The following LRRN3 variants were observed in gnomAD, a reference collection of about 807,000 sequenced individuals.
LRRN3 encodes the protein leucine rich repeat neuronal 3.
LRRN3 carries 15 observed loss-of-function variants against 40.1 expected under a neutral mutation model. That is an observed-to-expected ratio of 0.37 (90% CI 0.25 to 0.58). LRRN3 has a LOEUF of 0.58. Among genes scored for constraint, LRRN3 ranks in the 20% least tolerant of loss-of-function variants. The pLI is 0.72. For synonymous variants in LRRN3, 308 were observed against 297.2 expected (o/e 1.04, Z -0.37); for missense variants, 746 against 837.7 (o/e 0.89, Z 1.35).
intron 2 of LRRN3, among the ~76,000 whole-genome samples, chr7:111,121,496 C>A (rs933952931): frequency 5.9e-5 from 9 of 152,124 alleles, no homozygotes; most frequent in Non-Finnish European, 1.5e-5. Flanking sequence ...TCATCACTGG[C>A]CATCAGAGAA....
chr7:111,122,884 A>G lies in LRRN3; in HGVS notation c.112A>G (p.Arg38Gly). The G allele has an allele frequency of 1.9e-6, 3 of 1,614,058 alleles. No individual in the cohort carries two copies. The highest frequency in any genetic ancestry group is 2.5e-6 in the Non-Finnish European group (3 of 1,179,946). ...TCCACGGTTATGTACGTGTGAAATC[A>G]GGCCTTGGTTTACACCCAGATCCAT... ...DCPRLCTCEI[R>G]PWFTPRSIYM... The change falls in exon 3 of 3, where the codon AGG (arginine) becomes GGG (glycine). Residue 38 changes from arginine to glycine, a missense_variant. Coordinates refer to ENST00000308478, the MANE Select transcript of LRRN3 (RefSeq NM_001099658.2).
rs917424309 is a variant in LRRN3, at chr7:111,099,903, G to T, written c.-418G>T. On this transcript the variant is annotated 5_prime_UTR_variant, in exon 2 of 3. Coordinates refer to ENST00000308478, the MANE Select transcript of LRRN3 (RefSeq NM_001099658.2). ...AAGACGAGGAAGAGGAGGAGAAAGA[G>T]AAAGAAGAGGAAGATGTTGGGCAAC... is the stretch of plus-strand genomic sequence containing the variant. 6.6e-6 allele frequency: 1 copy of T among 151,652 alleles called. No homozygotes were observed. Among genetic ancestry groups the T allele is most frequent in the African/African-American group, 2.4e-5 (1 of 41,380 alleles). 9.4% of individuals were successfully genotyped at this position (151,652 alleles called of 1,614,324 possible).
In LRRN3 at chr7:111,115,514, C is replaced by A. The variant is rs183290931; in HGVS notation, c.-358-6901C>A. On this transcript the variant is annotated intron_variant, in intron 2 of 2. Coordinates refer to ENST00000308478, the MANE Select transcript of LRRN3 (RefSeq NM_001099658.2). ...AATGTGCCTGTGATTAAGATTTCAT[C>A]CCCCCCTCTGTAAAAGAAAATTATA... 6.3e-3 allele frequency among the ~76,000 whole-genome samples: 957 copies of A among 151,884 alleles called. 10 individuals carry two copies. The highest frequency in any genetic ancestry group is 0.022 in the African/African-American group (895 of 41,424).
At chr7:111,100,274 T>C (rs1204945885) in intron 2 of LRRN3, among the ~76,000 whole-genome samples, 1 of 151,446 alleles carries the variant, frequency 6.6e-6, no homozygotes, top group African/African-American at 2.4e-5. Context: ...ACATATTTCT[T>C]AGAATAAGCA....
chr7:111,115,599 T>G, intron 2 of LRRN3, among the ~76,000 whole-genome samples: 1 of 152,096 alleles, frequency 6.6e-6, no homozygotes, highest in East Asian at 1.9e-4. Flanking sequence ...TATAACTAGA[T>G]TCCACAAATT....
chr7:111,093,399 C>T (rs1002073051), intron 1 of LRRN3, among the ~76,000 whole-genome samples: 1 of 152,148 alleles, frequency 6.6e-6, no homozygotes, highest in African/African-American at 2.4e-5. Context: ...TGAGGTACCT[C>T]CTAAGTTCCT....
At chr7:111,114,786 C>T (rs1249107364) in intron 2 of LRRN3, among the ~76,000 whole-genome samples, 1 of 149,568 alleles carries the variant, frequency 6.7e-6, no homozygotes, top group Non-Finnish European at 1.5e-5. Context: ...TACATTGAAA[C>T]CATTTTGAGA....
intron 2 of LRRN3, among the ~76,000 whole-genome samples, chr7:111,119,826 A>C (rs1800370672): frequency 6.6e-6 from 1 of 152,196 alleles, no homozygotes; most frequent in African/African-American, 2.4e-5. Context: ...GGTGAAGGAA[A>C]GGATCAAGGA....
rs1287140958 is a variant in LRRN3, at chr7:111,124,624, C to T, written c.1852C>T (p.Gln618Ter). Reference protein sequence around the residue: ...NVTTKGLHPDQKEYEKNNTTT... With the variant: ...NVTTKGLHPD ...CACCACCAAAGGTTTGCACCCTGATCAAAAAGAGTATGAAAAGAATAATAC... is the reference window on the plus strand; with the variant it reads ...CACCACCAAAGGTTTGCACCCTGATTAAAAAGAGTATGAAAAGAATAATAC... Residue 618 changes from glutamine to a stop codon, truncating the protein, a stop_gained, in exon 3 of 3, where the codon CAA (glutamine) becomes TAA (stop). Coordinates refer to ENST00000308478, the MANE Select transcript of LRRN3 (RefSeq NM_001099658.2). LOFTEE classifies it high-confidence loss of function. 51 of 1,613,696 alleles carry T rather than the reference C, an allele frequency of 3.2e-5. No homozygotes were observed. Among genetic ancestry groups the T allele is most frequent in the Non-Finnish European group, 1.7e-6 (2 of 1,179,958 alleles).
Position 111,123,825 on chromosome 7 carries a change from T to C in LRRN3, c.1053T>C (p.His351=), listed in dbSNP as rs1265664280. 1 of 1,613,980 alleles carries C rather than the reference T, an allele frequency of 6.2e-7. No homozygotes were observed. Among genetic ancestry groups the C allele is most frequent in the Middle Eastern group, 1.7e-4 (1 of 6,060 alleles). The change falls in exon 3 of 3, where the codon CAT becomes CAC. Residue 351 remains histidine, a synonymous_variant. Transcript: ENST00000308478. This position sits in a 1 kb window ranked among gnomAD's most constrained non-coding sequence, Gnocchi z 6.4. ...LNSNALSALY[H]GTIESLPNLK... ...GCAATGCTCTCAGTGCCCTGTACCA[T>C]GGTACCATTGAGTCTCTGCCAAACC... is the stretch of plus-strand genomic sequence containing the variant.
intron 2 of LRRN3, among the ~76,000 whole-genome samples, chr7:111,106,412 T>G (rs1798553748): frequency 6.6e-6 from 1 of 151,906 alleles, no homozygotes; most frequent in South Asian, 2.1e-4. Context: ...ATCTCTTCTC[T>G]CTGGAAACTC....
chr7:111,124,945 A>G lies in LRRN3; in HGVS notation c.*46A>G. On this transcript the variant is annotated 3_prime_UTR_variant, in exon 3 of 3. Transcript: ENST00000308478. ...TCCAAAAATGAACAAAAAAAAAAAA[A>G]GCGAAAGACTGCAGTTGTGCTAAAA... is the stretch of plus-strand genomic sequence containing the variant. The G allele has an allele frequency of 8.1e-7, 1 of 1,228,826 alleles. No individual in the cohort carries two copies. The highest frequency in any genetic ancestry group is 1.1e-6 in the Non-Finnish European group (1 of 883,536). 76.1% of individuals were successfully genotyped at this position (1,228,826 alleles called of 1,614,324 possible).
intron 2 of LRRN3, among the ~76,000 whole-genome samples, chr7:111,117,538 T>G (rs1452263765): frequency 6.6e-6 from 1 of 152,100 alleles, no homozygotes; most frequent in Admixed American, 6.5e-5. Flanking sequence ...TCCTGAGAGT[T>G]GTCATATAAA....
chr7:111,116,002 C>T (rs1799839447), intron 2 of LRRN3, among the ~76,000 whole-genome samples: 1 of 152,068 alleles, frequency 6.6e-6, no homozygotes, highest in Non-Finnish European at 1.5e-5. Flanking sequence ...AGAAAACTAT[C>T]CCCATGTAGC....
chr7:111,112,738 T>C (rs1799387000), intron 2 of LRRN3, among the ~76,000 whole-genome samples: 1 of 152,162 alleles, frequency 6.6e-6, no homozygotes, highest in South Asian at 2.1e-4. Flanking sequence ...AACAATCCCA[T>C]GCTTATTATA....
Position 111,123,963 on chromosome 7 carries a change from G to C in LRRN3, c.1191G>C (p.Val397=). The change falls in exon 3 of 3, where the codon GTG becomes GTC. Residue 397 remains valine (V), a synonymous_variant. Transcript: ENST00000308478. This position sits in a 1 kb window ranked among gnomAD's most constrained non-coding sequence, Gnocchi z 6.4. The part of the protein sequence containing the change: ...RFMEPDSLFC[V]DPPEFQGQNV... ...TGGAGCCAGATTCACTGTTTTGCGT[G>C]GACCCACCTGAATTCCAAGGTCAGA... The C allele has an allele frequency of 6.2e-7, 1 of 1,614,002 alleles. No homozygotes were observed. The highest frequency in any genetic ancestry group is 8.5e-7 in the Non-Finnish European group (1 of 1,179,986).
chr7:111,125,002 T>TA lies in LRRN3; in HGVS notation c.*110dup. The TA allele has an allele frequency of 3.6e-6, 3 of 835,464 alleles. No individual in the cohort carries two copies. The highest frequency in any genetic ancestry group is 5.4e-6 in the Non-Finnish European group (3 of 552,498). The allele number at this position is 835,464 out of a possible 1,614,324, so 51.8% of individuals were successfully genotyped here. A position where few individuals can be genotyped will look rare whatever the true frequency, so the allele number is the denominator to read the frequency against. ...CAAAACAAACAAACAAACAAAAAAG[T>TA]AAAAAAAGATTACTTTCGAGAGAGA... On this transcript the variant is annotated 3_prime_UTR_variant, in exon 3 of 3. Transcript: ENST00000308478.
chr7:111,107,768 G>T (rs866059997), intron 2 of LRRN3, among the ~76,000 whole-genome samples: 1 of 152,046 alleles, frequency 6.6e-6, no homozygotes, highest in African/African-American at 2.4e-5. Context: ...AACTCCCAAA[G>T]ATTTATTTGC....
At position 111,123,988 on chromosome 7, in the gene LRRN3, A is replaced by C. The variant is rs577840813; in HGVS notation, c.1216A>C (p.Asn406His). ...CVDPPEFQGQ[N>H]VRQVHFRDMM... ...GGACCCACCTGAATTCCAAGGTCAG[A>C]ATGTTCGGCAAGTGCATTTCAGGGA... is the stretch of plus-strand genomic sequence containing the variant. Residue 406 changes from asparagine (N) to histidine (H), a missense_variant, in exon 3 of 3, where the codon AAT becomes CAT. Coordinates refer to ENST00000308478, the MANE Select transcript of LRRN3 (RefSeq NM_001099658.2). The surrounding 1 kb of genome is among the most constrained non-coding windows in gnomAD (Gnocchi z 6.4). 1 of 1,614,034 alleles carries C rather than the reference A, an allele frequency of 6.2e-7. No homozygotes were observed.
Sources: gnomAD v4.1 joint callset for allele counts (sites outside exome capture counted in the v4.1 genomes callset) on GRCh38, gnomAD v4.1.1 for gene constraint, Gnocchi (gnomAD v3.1) non-coding constraint, MANE v1.5 for transcripts, NCBI Gene and HGNC (gene_info 2026-07-23, HGNC 2026-07-21) for gene names.